SLC38A9: variants seen among roughly 807,000 people sequenced by gnomAD.
SLC38A9 encodes the protein solute carrier family 38 member 9.
In SLC38A9, 48 loss-of-function variants were observed where a neutral mutation model predicts 62.3. That is an observed-to-expected ratio of 0.77 (90% CI 0.61 to 0.98). The LOEUF (loss-of-function observed/expected upper bound fraction) is 0.98. Among genes scored for constraint, SLC38A9 ranks in the 50% least tolerant of loss-of-function variants. The pLI is 0.00. For missense variants in SLC38A9, 541 were observed against 679.8 expected, an observed-to-expected ratio of 0.80 and a Z score of 2.27; for synonymous variants, 204 against 227.7, an observed-to-expected ratio of 0.90 and a Z score of 0.94.
intron 11 of SLC38A9, among the ~76,000 whole-genome samples, chr5:55,647,068 A>G (rs2150142873): frequency 6.6e-6 from 1 of 152,314 alleles, no homozygotes; most frequent in East Asian, 1.9e-4. Context: ...TTTTTAAAAT[A>G]TATGTGTGTA....
intron 8 of SLC38A9, among the ~76,000 whole-genome samples, chr5:55,663,995 A>T (rs548143136): frequency 6.6e-6 from 1 of 152,220 alleles, no homozygotes; most frequent in Admixed American, 6.5e-5. Flanking sequence ...TTTATACAGA[A>T]AAAGGTTTGG....
At chr5:55,671,505 C>CT (rs1315953374) in intron 4 of SLC38A9, among the ~76,000 whole-genome samples, 58 of 142,930 alleles carry the variant, frequency 4.1e-4, no homozygotes, top group Admixed American at 1.3e-3. Flanking sequence ...TCCCATTCTT[C>CT]TTTTTTTTTT....
intron 7 of SLC38A9, among the ~76,000 whole-genome samples, chr5:55,667,784 C>T (rs1750713910): frequency 1.3e-5 from 2 of 152,008 alleles, no homozygotes. Flanking sequence ...GGCTGAAGTG[C>T]AGTGGCACAA....
intron 2 of SLC38A9, among the ~76,000 whole-genome samples, chr5:55,699,192 C>T (rs4101420): frequency 0.6 from 91,121 of 151,896 alleles, 27,897 homozygotes; most frequent in South Asian, 0.7. Context: ...GAGGTGGAGG[C>T]TGCAGTGAGC....
intron 2 of SLC38A9, among the ~76,000 whole-genome samples, chr5:55,703,425 A>C (rs1044279581): frequency 6.6e-6 from 1 of 152,182 alleles, no homozygotes; most frequent in Non-Finnish European, 1.5e-5. Context: ...AAGTAAGTTG[A>C]CTCTTTGAGA....
chr5:55,688,020 T>C (rs1052918928), intron 3 of SLC38A9, among the ~76,000 whole-genome samples: 1 of 152,102 alleles, frequency 6.6e-6, no homozygotes. Context: ...TTTGTAGCAA[T>C]TGTGAATGGG....
At chr5:55,628,994 A>G (rs538806276) in intron 14 of SLC38A9, among the ~76,000 whole-genome samples, 2 of 152,318 alleles carry the variant, frequency 1.3e-5, no homozygotes, top group African/African-American at 4.8e-5. Context: ...AATTATTTAT[A>G]TAAATAAGTG....
chr5:55,711,186 A>T (rs2150765923), intron 2 of SLC38A9, among the ~76,000 whole-genome samples: 1 of 151,720 alleles, frequency 6.6e-6, no homozygotes, highest in African/African-American at 2.4e-5. Context: ...CTAGCTACTC[A>T]GGAGGGTGAG....
intron 3 of SLC38A9, among the ~76,000 whole-genome samples, chr5:55,678,653 T>G (rs1752563295): frequency 2.3e-5 from 3 of 132,416 alleles, no homozygotes; most frequent in African/African-American, 8.4e-5. Context: ...AACTTTTTTT[T>G]TTTTTTTTTT....
intron 7 of SLC38A9, among the ~76,000 whole-genome samples, chr5:55,666,620 C>T (rs546717273): frequency 3.3e-5 from 5 of 152,236 alleles, no homozygotes; most frequent in Non-Finnish European, 7.4e-5. Flanking sequence ...CGGCTGGGCA[C>T]GGTGGCTCAT....
chr5:55,667,433 A>G (rs1013783631), intron 7 of SLC38A9, among the ~76,000 whole-genome samples: 1 of 152,198 alleles, frequency 6.6e-6, no homozygotes, highest in Non-Finnish European at 1.5e-5. Flanking sequence ...GCTGAATTCT[A>G]TTAAGTGCCT....
At chr5:55,639,529 G>A (rs530783160) in intron 12 of SLC38A9, among the ~76,000 whole-genome samples, 1 of 152,156 alleles carries the variant, frequency 6.6e-6, no homozygotes, top group East Asian at 1.9e-4. Context: ...CTTGTTTACT[G>A]AGCTTGGAAT....
intron 12 of SLC38A9, among the ~76,000 whole-genome samples, chr5:55,642,940 C>G (rs1745671070): frequency 6.6e-6 from 1 of 152,200 alleles, no homozygotes; most frequent in African/African-American, 2.4e-5. Context: ...AAACATTACC[C>G]CTTACTCAAA....
intron 2 of SLC38A9, among the ~76,000 whole-genome samples, chr5:55,709,481 C>T (rs1236176457): frequency 6.6e-6 from 1 of 151,334 alleles, no homozygotes; most frequent in Admixed American, 6.6e-5. Context: ...CTTTGGGAGG[C>T]TGAAGCAAGA....
chr5:55,684,248 T>C (rs145780056), intron 3 of SLC38A9, among the ~76,000 whole-genome samples: 1 of 152,366 alleles, frequency 6.6e-6, no homozygotes, highest in African/African-American at 2.4e-5. Flanking sequence ...CTATTGTGTA[T>C]TGAGTTTCTT....
chr5:55,658,514 G>A (rs977907400), intron 8 of SLC38A9, among the ~76,000 whole-genome samples: 2 of 152,200 alleles, frequency 1.3e-5, no homozygotes, highest in Non-Finnish European at 2.9e-5. Context: ...GCCATGTGAA[G>A]ATGGAGGGAG....
In SLC38A9 at chr5:55,681,331, T is replaced by G. The variant is rs188044203; in HGVS notation, c.114-8636A>C. ...GTATATTTAAATTTAAGATGATATT[T>G]AGAAAGAATTCCTAATATGGAAGAG... On this transcript the variant is annotated intron_variant, in intron 3 of 15. Coordinates refer to ENST00000396865, the MANE Select transcript of SLC38A9 (RefSeq NM_173514.4). Among the ~76,000 whole-genome samples the G allele has an allele frequency of 3.9e-5, 6 of 152,356 alleles. No homozygotes were observed. The East Asian group carries it at 1.2e-3, about 29-fold the overall frequency.
intron 3 of SLC38A9, among the ~76,000 whole-genome samples, chr5:55,682,509 T>C (rs1753170544): frequency 6.6e-6 from 1 of 152,162 alleles, no homozygotes; most frequent in Non-Finnish European, 1.5e-5. Flanking sequence ...TATACATGTA[T>C]AGGCTGGGTG....
chr5:55,644,343 CTATTTGTCACTATTT>C, intron 12 of SLC38A9, among the ~76,000 whole-genome samples: 1 of 26,798 alleles, frequency 3.7e-5, no homozygotes, highest in Non-Finnish European at 1.3e-4. Flanking sequence ...TATTTGTTTT[CTATTTGTCACTATTT>C]GTTTTCTATT....
Sources: allele counts gnomAD v4.1 joint callset (sites outside exome capture counted in the v4.1 genomes callset), GRCh38; gene constraint gnomAD v4.1.1; transcripts MANE v1.5; gene names NCBI Gene and HGNC (gene_info 2026-07-23, HGNC 2026-07-21).